SV2C: variants seen among roughly 807,000 people sequenced by gnomAD.
SV2C encodes the protein synaptic vesicle glycoprotein 2C.
In SV2C, 49 loss-of-function variants were observed where a neutral mutation model predicts 79.7. The observed-to-expected ratio is 0.61, with a 90% CI of 0.49 to 0.78. SV2C has a LOEUF of 0.78. Among genes scored for constraint, SV2C ranks in the 30% least tolerant of loss-of-function variants. SV2C has a pLI of 0.00. For synonymous variants in SV2C, 334 were observed against 333.2 expected (o/e 1.00, Z -0.03); for missense variants, 833 against 912.9 (o/e 0.91, Z 1.13).
chr5:75,969,943 C>T, the SV2C span, among the ~76,000 whole-genome samples: 11 of 151,946 alleles, frequency 7.2e-5, no homozygotes, highest in Middle Eastern at 6.8e-3. Context: ...CCTCAGCAAA[C>T]GTAAAAGAAC....
intron 12 of SV2C, among the ~76,000 whole-genome samples, chr5:76,310,049 C>CA (rs34045605): frequency 0.11 from 14,997 of 140,924 alleles, 780 homozygotes; most frequent in Admixed American, 0.15. Context: ...CTATTTCATT[C>CA]AAAAAAAAAA....
chr5:76,171,065 G>T, intron 2 of SV2C: 1 of 127,926 alleles, frequency 7.8e-6, no homozygotes, highest in Non-Finnish European at 1.4e-5. Flanking sequence ...GCAGCGGCTG[G>T]AGGAGCGGAC....
At chr5:75,880,123 T>C in the SV2C span, among the ~76,000 whole-genome samples, 1 of 152,084 alleles carries the variant, frequency 6.6e-6, no homozygotes, top group South Asian at 2.1e-4. Flanking sequence ...TTCTTTCCCC[T>C]TAGGCCTCTG....
chr5:76,109,760 G>T (rs983841174), intron 1 of SV2C, among the ~76,000 whole-genome samples: 1 of 152,138 alleles, frequency 6.6e-6, no homozygotes, highest in African/African-American at 2.4e-5. Flanking sequence ...AGGCAAGAAA[G>T]GGTTCTCTAC....
intron 1 of SV2C, among the ~76,000 whole-genome samples, chr5:76,106,197 C>G (rs1747906113): frequency 6.6e-6 from 1 of 152,152 alleles, no homozygotes; most frequent in Non-Finnish European, 1.5e-5. Flanking sequence ...TTCCTCTCTT[C>G]CTCTTGTGTA....
chr5:75,999,327 T>C, the SV2C span, among the ~76,000 whole-genome samples: 2 of 117,612 alleles, frequency 1.7e-5, no homozygotes, highest in South Asian at 2.4e-4. Flanking sequence ...CACACACATA[T>C]ATATAGGAAG....
At chr5:76,017,623 C>T in the SV2C span, among the ~76,000 whole-genome samples, 2 of 152,144 alleles carry the variant, frequency 1.3e-5, no homozygotes, top group Non-Finnish European at 2.9e-5. Flanking sequence ...CCTCATTAAT[C>T]TCCATAGTGT....
At chr5:76,089,607 G>A (rs1747305157) in intron 1 of SV2C, among the ~76,000 whole-genome samples, 1 of 152,228 alleles carries the variant, frequency 6.6e-6, no homozygotes, top group Admixed American at 6.5e-5. Flanking sequence ...TCGCCACACT[G>A]TCTTCCACAA....
At chr5:76,059,705 A>G in the SV2C span, among the ~76,000 whole-genome samples, 2 of 152,114 alleles carry the variant, frequency 1.3e-5, no homozygotes, top group Non-Finnish European at 2.9e-5. Flanking sequence ...ACTCCTGTTC[A>G]TGTTGATATT....
At chr5:75,853,978 A>G in the SV2C span, among the ~76,000 whole-genome samples, 1 of 150,374 alleles carries the variant, frequency 6.7e-6, no homozygotes, top group African/African-American at 2.5e-5. Flanking sequence ...ATTAAAATAT[A>G]GAATGCATCT....
At chr5:76,253,324 C>T (rs1181262256) in intron 4 of SV2C, among the ~76,000 whole-genome samples, 1 of 152,118 alleles carries the variant, frequency 6.6e-6, no homozygotes, top group African/African-American at 2.4e-5. Context: ...CGAGATCTCA[C>T]TCTGTCGCCC....
intron 7 of SV2C, 91 bp from the exon 8 acceptor site, chr5:76,291,677 C>A: frequency 1.2e-6 from 1 of 860,816 alleles, no homozygotes; most frequent in Non-Finnish European, 1.8e-6. Flanking sequence ...CCAATGACAA[C>A]TCAGCATTTT....
chr5:76,295,736 A>C (rs762994902), intron 8 of SV2C, 42 bp from the exon 9 acceptor site: 3 of 1,580,778 alleles, frequency 1.9e-6, no homozygotes, highest in Non-Finnish European at 1.7e-6. Context: ...TGCCTCTGGC[A>C]TGCTAGTGCC....
chr5:76,348,571 G>T lies in SV2C; in HGVS notation c.2001-4559G>T, dbSNP rs530122068. ...CCAGCAGTGAATGAGAGTTCCTGTT[G>T]CTCCACATCCTTGTCAGCATTTGGT... On this transcript the variant is annotated intron_variant, in intron 12 of 12. Coordinates refer to the SV2C transcript ENST00000322285. Among the ~76,000 whole-genome samples the T allele has an allele frequency of 2.0e-5, 3 of 152,296 alleles. No homozygotes were observed. The South Asian group carries it at 6.2e-4, about 32-fold the overall frequency.
At chr5:75,872,961 G>A in the SV2C span, among the ~76,000 whole-genome samples, 3 of 151,708 alleles carry the variant, frequency 2.0e-5, no homozygotes, top group Non-Finnish European at 4.4e-5. Flanking sequence ...TTAAAAAGTA[G>A]AAAAACATAA....
At chr5:75,946,068 A>G in the SV2C span, among the ~76,000 whole-genome samples, 1 of 152,104 alleles carries the variant, frequency 6.6e-6, no homozygotes, top group Non-Finnish European at 1.5e-5. Flanking sequence ...AATTAAGAAA[A>G]GAAATCAAAA....
chr5:76,091,106 T>G (rs10515217), intron 1 of SV2C, among the ~76,000 whole-genome samples: 11,075 of 152,260 alleles, frequency 0.073, 1,343 homozygotes, highest in African/African-American at 0.25. Flanking sequence ...CCTCACACCA[T>G]TCTTTTCAAC....
chr5:76,256,207 T>C (rs1746261022), intron 4 of SV2C, among the ~76,000 whole-genome samples: 1 of 152,238 alleles, frequency 6.6e-6, no homozygotes, highest in South Asian at 2.1e-4. Context: ...ATCTGTCCCC[T>C]GGGGGAGTAC....
the SV2C span, among the ~76,000 whole-genome samples, chr5:75,947,350 T>G: frequency 3.3e-5 from 5 of 152,108 alleles, no homozygotes; most frequent in African/African-American, 9.6e-5. Context: ...TTTATTTTAT[T>G]TTTTCTTTCT....
Sources: allele counts gnomAD v4.1 joint callset (sites outside exome capture counted in the v4.1 genomes callset), GRCh38; gene constraint gnomAD v4.1.1; transcripts MANE v1.5; gene names NCBI Gene and HGNC (gene_info 2026-07-23, HGNC 2026-07-21).